DAPK2: variants seen among roughly 807,000 people sequenced by gnomAD.
The protein encoded by DAPK2 is death-associated protein kinase 2.
DAPK2 carries 35 observed loss-of-function variants against 44.1 expected under a neutral mutation model. That is an observed-to-expected ratio of 0.79 (90% confidence interval 0.61 to 1.05). The LOEUF (loss-of-function observed/expected upper bound fraction) is 1.05, where lower values mean the gene tolerates loss of function less well. Ranked by LOEUF, DAPK2 falls within the 50% of genes least tolerant of loss-of-function variation. DAPK2 has a pLI of 0.00. For synonymous variants in DAPK2, 174 were observed against 182.6 expected, an observed-to-expected ratio of 0.95 and a Z score of 0.38; for missense variants, 453 against 483.2, an observed-to-expected ratio of 0.94 and a Z score of 0.59.
At chr15:63,941,735 A>C (rs983864130) in intron 3 of DAPK2, among the ~76,000 whole-genome samples, 1 of 151,994 alleles carries the variant, frequency 6.6e-6, no homozygotes, top group Admixed American at 6.5e-5. Context: ...AAATGTGTCC[A>C]AGTCTCCCCA....
chr15:63,975,128 G>A (rs2078309235), intron 2 of DAPK2, among the ~76,000 whole-genome samples: 1 of 152,114 alleles, frequency 6.6e-6, no homozygotes, highest in Non-Finnish European at 1.5e-5. Context: ...CAGAAGCTGG[G>A]GTATCCAGCC....
At chr15:64,040,820 A>G (rs2080334528), upstream of DAPK2, among the ~76,000 whole-genome samples, 1 of 150,278 alleles carries the variant, frequency 6.7e-6, no homozygotes, top group African/African-American at 2.4e-5. Context: ...AGGCTGAGGC[A>G]GAAGAATCAC....
At chr15:63,926,529 G>A (rs547527422) in intron 6 of DAPK2, among the ~76,000 whole-genome samples, 3 of 152,230 alleles carry the variant, frequency 2.0e-5, no homozygotes, top group East Asian at 1.9e-4. Context: ...AGAAGGAGAC[G>A]GAAAGGCCTT....
intron 2 of DAPK2, among the ~76,000 whole-genome samples, chr15:63,973,714 T>G (rs1567243167): frequency 1.3e-5 from 2 of 152,192 alleles, no homozygotes; most frequent in Non-Finnish European, 2.9e-5. Flanking sequence ...AAGGAATGTA[T>G]TTTACATTTG....
In DAPK2 at chr15:63,969,917, T is replaced by C. The variant is rs2078164730; in HGVS notation, c.453+1506A>G. Among the ~76,000 whole-genome samples, 4 of 152,272 alleles carry C rather than the reference T, an allele frequency of 2.6e-5. No homozygotes were observed. The South Asian group carries it at 8.3e-4, about 32-fold the overall frequency. Reference sequence around the variant, plus strand: ...GATAATGGACATGCCAGACCCTCTCTGGGCCAGGGGCACAAGCCAGAACTT... The same window carrying C: ...GATAATGGACATGCCAGACCCTCTCCGGGCCAGGGGCACAAGCCAGAACTT... On this transcript the variant is annotated intron_variant, in intron 3 of 10. Coordinates refer to ENST00000261891, the Ensembl canonical transcript of DAPK2.
intron 1 of DAPK2, among the ~76,000 whole-genome samples, chr15:64,045,441 G>C (rs1182850411): frequency 2.0e-5 from 3 of 152,156 alleles, no homozygotes; most frequent in African/African-American, 7.2e-5. Context: ...TCAGAAACCA[G>C]AGTGGCTGCC....
intron 1 of DAPK2, among the ~76,000 whole-genome samples, chr15:63,986,566 C>T (rs2078673417): frequency 6.6e-6 from 1 of 152,172 alleles, no homozygotes; most frequent in African/African-American, 2.4e-5. Flanking sequence ...GCTGGGACCA[C>T]AGGTGCCTGC....
chr15:64,002,292 T>A (rs958080000), intron 1 of DAPK2, among the ~76,000 whole-genome samples: 1 of 152,220 alleles, frequency 6.6e-6, no homozygotes, highest in African/African-American at 2.4e-5. Flanking sequence ...ACAGAGTTCA[T>A]CAGAAATTCC....
chr15:63,989,674 C>T (rs1049693035), intron 1 of DAPK2, among the ~76,000 whole-genome samples: 17 of 152,118 alleles, frequency 1.1e-4, no homozygotes, highest in African/African-American at 4.1e-4. Flanking sequence ...CATACACACA[C>T]ATACATACAT....
At chr15:64,027,884 C>G (rs965430524) in intron 1 of DAPK2, among the ~76,000 whole-genome samples, 1 of 152,024 alleles carries the variant, frequency 6.6e-6, no homozygotes, top group Non-Finnish European at 1.5e-5. Context: ...GGGAATACAC[C>G]CAACCAAAAT....
intron 2 of DAPK2, among the ~76,000 whole-genome samples, chr15:63,976,636 T>C (rs2078355573): frequency 1.3e-5 from 2 of 151,858 alleles, no homozygotes; most frequent in South Asian, 4.1e-4. Flanking sequence ...TCACCTGAGG[T>C]CGAGGCTGTA....
Position 63,923,799 on chromosome 15 carries a change from C to T in DAPK2, c.858+1017G>A, listed in dbSNP as rs1023998720. On this transcript the variant is annotated intron_variant, in intron 8 of 10. Coordinates refer to ENST00000261891, the Ensembl canonical transcript of DAPK2. The surrounding 1 kb of genome is among the most constrained non-coding windows in gnomAD (Gnocchi z 4.2). ...GACCTCTTCCCAGACGACTCCAGCC[C>T]TCCCTGTTCTGTCTTCCACAGGCCT... 6.6e-6 allele frequency among the ~76,000 whole-genome samples: 1 copy of T among 152,198 alleles called. No homozygotes were observed.
At chr15:63,910,109 G>A (rs1391509235) in intron 10 of DAPK2, among the ~76,000 whole-genome samples, 2 of 152,364 alleles carry the variant, frequency 1.3e-5, no homozygotes, top group East Asian at 1.9e-4. Flanking sequence ...GCTGGGTAAA[G>A]TCTGCTTGTC....
chr15:63,930,165 G>GCTC (rs1447089372), intron 5 of DAPK2, among the ~76,000 whole-genome samples: 1 of 152,172 alleles, frequency 6.6e-6, no homozygotes, highest in Non-Finnish European at 1.5e-5. Flanking sequence ...CTCTCCTCTT[G>GCTC]CTCCTCCATT....
At chr15:63,976,555 CA>C (rs59261160) in intron 2 of DAPK2, among the ~76,000 whole-genome samples, 37 of 136,082 alleles carry the variant, frequency 2.7e-4, no homozygotes, top group South Asian at 1.2e-3. Context: ...ACTGTCTCTA[CA>C]AAAAAAAAAA....
chr15:63,954,634 G>T (rs576021864), intron 3 of DAPK2, among the ~76,000 whole-genome samples: 73 of 152,186 alleles, frequency 4.8e-4, no homozygotes, highest in Middle Eastern at 3.4e-3. Context: ...GCTATTCTGT[G>T]TCTTTTGTGG....
intron 4 of DAPK2, chr15:63,932,755 A>C (rs2140395812): frequency 6.6e-6 from 1 of 152,264 alleles, no homozygotes; most frequent in East Asian, 1.9e-4. Flanking sequence ...GCATCCTGCT[A>C]CTTTAAGACT....
intron 10 of DAPK2, chr15:63,909,580 T>A (rs2078733453): frequency 6.6e-6 from 1 of 152,158 alleles, no homozygotes; most frequent in African/African-American, 2.4e-5. Context: ...GGCGGGTGGA[T>A]CACCTGAGGT....
intron 3 of DAPK2, among the ~76,000 whole-genome samples, chr15:63,946,998 C>G (rs900564357): frequency 6.6e-6 from 1 of 152,178 alleles, no homozygotes; most frequent in South Asian, 2.1e-4. Context: ...AGCCCCTCCC[C>G]ACAAGTCTTC....
Sources: gnomAD v4.1 joint callset for allele counts (sites outside exome capture counted in the v4.1 genomes callset) on GRCh38, gnomAD v4.1.1 for gene constraint, Gnocchi (gnomAD v3.1) non-coding constraint, MANE v1.5 for transcripts, NCBI Gene and HGNC (gene_info 2026-07-23, HGNC 2026-07-21) for gene names.